The following SPMIP7 variants were observed in gnomAD, a reference collection of about 807,000 sequenced individuals.
SPMIP7 encodes the protein sperm microtubule inner protein 7.
the SPMIP7 span, among the ~76,000 whole-genome samples, chr7:50,143,539 A>G: frequency 6.6e-6 from 1 of 152,128 alleles, no homozygotes; most frequent in Non-Finnish European, 1.5e-5. Context: ...TGGAATCACC[A>G]ATTTTTCTAC....
chr7:50,113,860 G>A, the SPMIP7 span, among the ~76,000 whole-genome samples: 3 of 151,924 alleles, frequency 2.0e-5, no homozygotes, highest in Admixed American at 6.6e-5. Flanking sequence ...TTAAAATTAT[G>A]CCCAAAACAC....
At chr7:50,153,338 C>G in the SPMIP7 span, among the ~76,000 whole-genome samples, 13 of 152,136 alleles carry the variant, frequency 8.5e-5, no homozygotes, top group Non-Finnish European at 1.6e-4. Context: ...ATGGGAACAG[C>G]TGCCATGCAT....
the SPMIP7 span, among the ~76,000 whole-genome samples, chr7:50,155,855 A>C: frequency 1.3e-5 from 2 of 152,284 alleles, no homozygotes; most frequent in Admixed American, 6.5e-5. Context: ...CATACTGCAC[A>C]TACAGCTCTC....
chr7:50,107,391 G>GAA, the SPMIP7 span, among the ~76,000 whole-genome samples: 11 of 63,898 alleles, frequency 1.7e-4, no homozygotes, highest in South Asian at 6.0e-4. Flanking sequence ...AAAAAGAAAA[G>GAA]AAAAGAAAAA....
chr7:50,127,580 ATG>A, the SPMIP7 span, among the ~76,000 whole-genome samples: 1 of 149,620 alleles, frequency 6.7e-6, no homozygotes. Flanking sequence ...TCTTATTTTT[ATG>A]TGTTATTCTG....
chr7:50,129,565 A>T, the SPMIP7 span, among the ~76,000 whole-genome samples: 1 of 152,126 alleles, frequency 6.6e-6, no homozygotes, highest in Non-Finnish European at 1.5e-5. Flanking sequence ...GGAGAGGAAA[A>T]GTAGGGAAGC....
chr7:50,157,671 G>A, the SPMIP7 span, among the ~76,000 whole-genome samples: 1 of 152,102 alleles, frequency 6.6e-6, no homozygotes, highest in South Asian at 2.1e-4. Flanking sequence ...TACCAGCATT[G>A]TAACTCGCTG....
At chr7:50,154,493 G>A in the SPMIP7 span, among the ~76,000 whole-genome samples, 1 of 152,174 alleles carries the variant, frequency 6.6e-6, no homozygotes, top group Non-Finnish European at 1.5e-5. Flanking sequence ...AAGTGAGATA[G>A]TGCAACATGT....
chr7:50,144,171 T>C, the SPMIP7 span, among the ~76,000 whole-genome samples: 1 of 152,256 alleles, frequency 6.6e-6, no homozygotes, highest in Non-Finnish European at 1.5e-5. Context: ...TCAGTATTTA[T>C]GCTCACCTTT....
the SPMIP7 span, among the ~76,000 whole-genome samples, chr7:50,146,050 T>C: frequency 2.0e-5 from 3 of 152,190 alleles, no homozygotes; most frequent in East Asian, 1.9e-4. Context: ...TGTCAGTCGC[T>C]GGACTGTGTT....
At chr7:50,122,811 A>G in the SPMIP7 span, among the ~76,000 whole-genome samples, 30 of 152,332 alleles carry the variant, frequency 2.0e-4, no homozygotes, top group Non-Finnish European at 1.0e-4. Flanking sequence ...AAAACACATG[A>G]AAAAATGCTC....
chr7:50,130,538 A>G, the SPMIP7 span, among the ~76,000 whole-genome samples: 3 of 152,154 alleles, frequency 2.0e-5, no homozygotes, highest in African/African-American at 7.2e-5. Context: ...TTGGGTGGGG[A>G]CACAGCCAAA....
the SPMIP7 span, among the ~76,000 whole-genome samples, chr7:50,128,688 A>C: frequency 6.6e-6 from 1 of 152,046 alleles, no homozygotes; most frequent in African/African-American, 2.4e-5. Context: ...GCAATGCAAA[A>C]ATTAAGAGAC....
chr7:50,132,227 G>A, the SPMIP7 span, among the ~76,000 whole-genome samples: 1 of 151,886 alleles, frequency 6.6e-6, no homozygotes, highest in Non-Finnish European at 1.5e-5. Context: ...TGTTGAACTT[G>A]CTGAACTTGC....
At chr7:50,149,198 C>G in the SPMIP7 span, among the ~76,000 whole-genome samples, 1 of 152,032 alleles carries the variant, frequency 6.6e-6, no homozygotes, top group Non-Finnish European at 1.5e-5. Flanking sequence ...TTCAAGATGC[C>G]TCTGAGATGT....
At chr7:50,136,004 T>A in the SPMIP7 span, 1 of 876,796 alleles carries the variant, frequency 1.1e-6, no homozygotes, top group Non-Finnish European at 1.8e-6. Flanking sequence ...GGCATAGCTA[T>A]GACGTAGAAA....
At chr7:50,121,079 A>C in the SPMIP7 span, among the ~76,000 whole-genome samples, 5 of 152,308 alleles carry the variant, frequency 3.3e-5, no homozygotes, top group East Asian at 7.7e-4. Flanking sequence ...TCCTTTGTAC[A>C]TCAAAAGATC....
the SPMIP7 span, among the ~76,000 whole-genome samples, chr7:50,125,115 TAC>T: frequency 9.6e-3 from 244 of 25,406 alleles, 62 homozygotes; most frequent in African/African-American, 0.03. Context: ...TATATATATA[TAC>T]ACACACACAC....
At chr7:50,125,766 C>T in the SPMIP7 span, among the ~76,000 whole-genome samples, 1 of 151,918 alleles carries the variant, frequency 6.6e-6, no homozygotes. Flanking sequence ...TATGTGGAAT[C>T]TTAAAAAGTC....
Sources: allele counts gnomAD v4.1 joint callset (sites outside exome capture counted in the v4.1 genomes callset), GRCh38; gene constraint gnomAD v4.1.1; transcripts MANE v1.5; gene names NCBI Gene and HGNC (gene_info 2026-07-23, HGNC 2026-07-21).